The following CEP350 variants were observed in gnomAD, a reference collection of about 807,000 sequenced individuals.
CEP350 encodes centrosomal protein 350, also known as centrosome-associated protein 350.
A neutral mutation model predicts 331.8 loss-of-function variants in CEP350; 126 were observed. The ratio of observed to expected loss-of-function variants is 0.38; its 90% CI spans 0.33 to 0.44. The LOEUF (loss-of-function observed/expected upper bound fraction) is 0.44. CEP350 is among the 20% of genes least tolerant of loss of function. The pLI is 1.00. For synonymous variants in CEP350, 1,200 were observed against 1,259.5 expected (o/e 0.95, Z 1.00); for missense variants, 3,406 against 3,634.6 (o/e 0.94, Z 1.62).
rs76728336 is a variant in CEP350, at chr1:180,046,738, T to G, written c.4623-1798T>G. 3.5e-3 allele frequency among the ~76,000 whole-genome samples: 534 copies of G among 152,338 alleles called. 1 individual carries two copies. Among genetic ancestry groups the G allele is most frequent in the Non-Finnish European group, 6.5e-3 (441 of 68,026 alleles). On this transcript the variant is annotated intron_variant, in intron 21 of 37. Transcript: ENST00000367607. ...TTCTACAGTCCTCACCAATGCTTGT[T>G]GTTTTTTTTGTTATAGCCATCTTAG...
chr1:179,987,110 G>C (rs533212032), intron 2 of CEP350, 130 bp from the exon 3 acceptor site: 1 of 563,984 alleles, frequency 1.8e-6, no homozygotes, highest in East Asian at 3.7e-5. Flanking sequence ...ATTTGCTGAG[G>C]AATTGTTCTG....
chr1:180,103,825 C>T (rs573797457), intron 37 of CEP350, among the ~76,000 whole-genome samples: 59 of 151,752 alleles, frequency 3.9e-4, no homozygotes, highest in African/African-American at 1.3e-3. Flanking sequence ...TTAGTCATAG[C>T]GCTTGCCCCT....
rs572167638 is a variant in CEP350 at position 179,959,760 on chromosome 1, GACAA to G, written c.-14+4628_-14+4631del. Among the ~76,000 whole-genome samples the G allele has an allele frequency of 1.3e-4, 20 of 152,164 alleles. No homozygotes were observed. The South Asian group carries it at 1.5e-3, about 11-fold the overall frequency. Reference sequence around the variant, plus strand: ...CAGAGGAAGACTCTGGCTCAAAACAGACAAACAAACAAAAAAACTTTTGTTGGCA... The same window carrying G: ...CAGAGGAAGACTCTGGCTCAAAACAGACAAACAAAAAAACTTTTGTTGGCA... On this transcript the variant is annotated intron_variant, in intron 1 of 37. Coordinates refer to ENST00000367607, the MANE Select transcript of CEP350 (RefSeq NM_014810.5).
chr1:179,978,044 A>G (rs1314353516), intron 1 of CEP350, among the ~76,000 whole-genome samples: 1 of 151,928 alleles, frequency 6.6e-6, no homozygotes, highest in Non-Finnish European at 1.5e-5. Context: ...AATAAAAAGT[A>G]TGGTATAGTA....
Position 180,075,060 on chromosome 1 carries a change from G to C in CEP350, c.5606G>C (p.Arg1869Pro). The C allele has an allele frequency of 6.2e-7, 1 of 1,612,664 alleles. No homozygotes were observed. Among genetic ancestry groups the C allele is most frequent in the Middle Eastern group, 1.7e-4 (1 of 6,058 alleles). The change falls in exon 28 of 38, where the codon CGA becomes CCA. Residue 1869 changes from arginine (R) to proline (P), a missense_variant. Arg to Pro is a moderately radical substitution (Grantham distance 103). Transcript: ENST00000367607. ...CGGGAGCAAAAATTAATGCAACGGC[G>C]ACAACATGCAGAGGAGCTCCTAGAG... ...TKREQKLMQR[R>P]QHAEELLEWK...
chr1:180,024,434 T>C lies in CEP350; in HGVS notation c.3402T>C (p.Pro1134=), dbSNP rs1655535601. The change falls in exon 14 of 38, where the codon CCT becomes CCC. Residue 1134 remains proline (P), a synonymous_variant. Coordinates refer to ENST00000367607, the MANE Select transcript of CEP350 (RefSeq NM_014810.5). ...STLEPHSTLS[P]QEDHSNRKSA... ...TCTTTGACAGTAGCACTTTAAGCCC[T>C]CAGGAGGACCATTCTAACAGAAAGT... 2 of 1,611,780 alleles carry C rather than the reference T, an allele frequency of 1.2e-6. No homozygotes were observed. Among genetic ancestry groups the C allele is most frequent in the Admixed American group, 1.7e-5 (1 of 59,900 alleles).
intron 28 of CEP350, among the ~76,000 whole-genome samples, chr1:180,078,126 G>A (rs1407226044): frequency 1.3e-5 from 2 of 151,510 alleles, no homozygotes; most frequent in Non-Finnish European, 1.5e-5. Context: ...AGAACGGGAT[G>A]CCATCTTAAA....
At chr1:180,014,547 A>T in intron 10 of CEP350, 42 bp downstream of exon 10, 1 of 1,512,320 alleles carries the variant, frequency 6.6e-7, no homozygotes. Flanking sequence ...ATTCATGGTT[A>T]GGAAATGCTT....
At position 180,093,635 on chromosome 1, in the gene CEP350, A is replaced by G. The variant is rs1660317097; in HGVS notation, c.7530A>G (p.Pro2510=). ...GDRVLIGNVQ[P]GILRFKGETS... is the part of the protein sequence containing the mutation. Reference sequence around the variant, plus strand: ...GGGTGTTGATTGGAAATGTTCAGCCAGGAATTCTTCGATTCAAAGGTGAGA... The same window carrying G: ...GGGTGTTGATTGGAAATGTTCAGCCGGGAATTCTTCGATTCAAAGGTGAGA... Residue 2510 remains proline, a synonymous_variant, in exon 34 of 38, where the codon CCA becomes CCG. Transcript: ENST00000367607. The G allele has an allele frequency of 4.3e-6, 7 of 1,613,884 alleles. No individual in the cohort carries two copies. The highest frequency in any genetic ancestry group is 1.7e-5 in the Admixed American group (1 of 59,998).
rs34405248 is a variant in CEP350, at chr1:180,090,322, G to A, written c.6426-392G>A. On this transcript the variant is annotated intron_variant, in intron 32 of 37. Transcript: ENST00000367607. ...AGCCCTTTGGGAGGCAGAGGCGGGC[G>A]GATCATGAGATCAGGAGATCGAGAC... is the stretch of plus-strand genomic sequence containing the variant. 3.6e-3 allele frequency among the ~76,000 whole-genome samples: 545 copies of A among 151,810 alleles called. 4 individuals are homozygous for A. The highest frequency in any genetic ancestry group is 4.6e-3 in the Non-Finnish European group (313 of 67,822).
chr1:179,978,150 G>T (rs1050596056), intron 1 of CEP350, among the ~76,000 whole-genome samples: 1 of 151,944 alleles, frequency 6.6e-6, no homozygotes, highest in Non-Finnish European at 1.5e-5. Flanking sequence ...ATTGCATGGC[G>T]CATGACTGTA....
intron 6 of CEP350, 52 bp downstream of exon 6, chr1:179,997,227 C>A: frequency 6.5e-7 from 1 of 1,541,446 alleles, no homozygotes; most frequent in Non-Finnish European, 8.8e-7. Flanking sequence ...GTTCTTCTTT[C>A]TCCCTAGGGT....
At chr1:180,004,890 G>GCTTT (rs1491222373) in intron 7 of CEP350, among the ~76,000 whole-genome samples, 5 of 41,512 alleles carry the variant, frequency 1.2e-4, no homozygotes, top group Non-Finnish European at 3.1e-4. Flanking sequence ...TTGCTTGCTT[G>GCTTT]CTTGCTTGCT....
At position 180,024,516 on chromosome 1, in the gene CEP350, T is replaced by C. The variant is rs1389880740; in HGVS notation, c.3484T>C (p.Ser1162Pro). 6.2e-7 allele frequency: 1 copy of C among 1,613,432 alleles called. No homozygotes were observed. Among genetic ancestry groups the C allele is most frequent in the East Asian group, 2.2e-5 (1 of 44,846 alleles). The stretch of plus-strand genomic sequence containing the variant: ...CTCCCAGCATTCATCAGGAGCCCAG[T>C]CTGCTGCATCGTCTCGTTCATCTAC... ...VTSQHSSGAQ[S>P]AASSRSSTSS... The change falls in exon 14 of 38, where the codon TCT (serine) becomes CCT (proline). Residue 1162 changes from serine (S) to proline (P), a missense_variant. Ser to Pro is a moderately conservative substitution (Grantham distance 74). This residue lies in a region of CEP350 where 1,857 missense variants were observed against 1,909.2 expected (regional missense o/e 0.97). Transcript: ENST00000367607.
chr1:180,063,374 A>G (rs1466217061), intron 26 of CEP350, among the ~76,000 whole-genome samples: 1 of 151,400 alleles, frequency 6.6e-6, no homozygotes. Flanking sequence ...TGTATTTTTT[A>G]TAGAGATGGA....
At chr1:179,968,676 C>T in intron 1 of CEP350, 1 of 499,342 alleles carries the variant, frequency 2.0e-6, no homozygotes, top group Non-Finnish European at 3.9e-6. Flanking sequence ...TTACAATATC[C>T]AGAGGCCTTG....
chr1:179,960,818 G>T (rs1020893662), intron 1 of CEP350, among the ~76,000 whole-genome samples: 1 of 151,726 alleles, frequency 6.6e-6, no homozygotes, highest in East Asian at 1.9e-4. Flanking sequence ...TTTATTTTTC[G>T]ATCTGCTACT....
At chr1:179,964,749 T>A (rs1381412443) in intron 1 of CEP350, among the ~76,000 whole-genome samples, 1 of 151,712 alleles carries the variant, frequency 6.6e-6, no homozygotes, top group African/African-American at 2.4e-5. Flanking sequence ...CTGATTATGC[T>A]TCTTAGGATC....
chr1:180,047,002 A>T (rs1290529959), intron 21 of CEP350, among the ~76,000 whole-genome samples: 4 of 152,224 alleles, frequency 2.6e-5, no homozygotes, highest in Non-Finnish European at 5.9e-5. Context: ...AAACAATTGC[A>T]TTATATTCTG....
Sources: gnomAD v4.1 joint callset for allele counts (sites outside exome capture counted in the v4.1 genomes callset) on GRCh38, gnomAD v4.1.1 for gene constraint, gnomAD v4.1.1 regional missense constraint, MANE v1.5 for transcripts, NCBI Gene and HGNC (gene_info 2026-07-23, HGNC 2026-07-21) for gene names.